RELN: variants seen among roughly 807,000 people sequenced by gnomAD.
The protein encoded by RELN is reelin.
RELN carries 108 observed loss-of-function variants against 427.6 expected under a neutral mutation model. The observed-to-expected ratio is 0.25, with a 90% confidence interval of 0.22 to 0.30. RELN has a LOEUF of 0.30. Ranked by LOEUF, RELN falls within the 10% of genes least tolerant of loss-of-function variation. The pLI is 1.00. For missense variants in RELN, 3,715 were observed against 4,302.8 expected (o/e 0.86, Z 3.82); for synonymous variants, 1,524 against 1,513.4 (o/e 1.01, Z -0.16).
intron 12 of RELN, among the ~76,000 whole-genome samples, chr7:103,659,065 C>T (rs1159394701): frequency 6.6e-6 from 1 of 151,776 alleles, no homozygotes; most frequent in Non-Finnish European, 1.5e-5. Context: ...TTATCACCTG[C>T]ATATGGATGA....
intron 11 of RELN, among the ~76,000 whole-genome samples, chr7:103,663,409 TAG>T (rs1440251892): frequency 6.6e-6 from 1 of 152,152 alleles, no homozygotes; most frequent in East Asian, 1.9e-4. Context: ...ATGAAACCTG[TAG>T]AGTTTCCTGA....
At position 103,553,660 on chromosome 7, in the gene RELN, G is replaced by A. The variant is rs149473868; in HGVS notation, c.5969C>T (p.Pro1990Leu). The A allele has an allele frequency of 2.9e-5, 47 of 1,613,672 alleles. No individual in the cohort carries two copies. In the African/African-American group the frequency reaches 4.4e-4, roughly 15 times the overall value. Residue 1990 changes from proline (P) to leucine (L), a missense_variant and splice_region_variant, in exon 39 of 65, where the codon CCT becomes CTT. Around this residue, in one of 4 missense-constraint regions of RELN, gnomAD observed 1,310 missense variants for 1,643.0 expected, o/e 0.80. Coordinates refer to ENST00000428762, the MANE Select transcript of RELN (RefSeq NM_005045.4). ...LYCPYSSKGAPEEDSAMVFVS... is the reference protein window; with the variant it reads ...LYCPYSSKGALEEDSAMVFVS... ...TTATTTTTAGATTCTTAATACTTACGGTGCCCCCTTTGAAGAATATGGACA... is the reference window on the plus strand; with the variant it reads ...TTATTTTTAGATTCTTAATACTTACAGTGCCCCCTTTGAAGAATATGGACA...
At chr7:103,771,437 T>C (rs1791566710) in intron 4 of RELN, among the ~76,000 whole-genome samples, 1 of 151,934 alleles carries the variant, frequency 6.6e-6, no homozygotes, top group African/African-American at 2.4e-5. Flanking sequence ...TCCACCCATC[T>C]CCCTAATGAA....
intron 3 of RELN, among the ~76,000 whole-genome samples, chr7:103,788,767 T>C (rs2116261391): frequency 6.6e-6 from 1 of 152,338 alleles, no homozygotes; most frequent in Non-Finnish European, 1.5e-5. Context: ...CCCAAAGTAA[T>C]TTATAGATTC....
chr7:103,503,893 T>TAAAAA (rs71154347), intron 51 of RELN, among the ~76,000 whole-genome samples: 6 of 96,608 alleles, frequency 6.2e-5, no homozygotes, highest in Non-Finnish European at 1.3e-4. Context: ...AATGTTCTTG[T>TAAAAA]AAAAAAAAAA....
chr7:103,630,819 A>C (rs1225722116), intron 19 of RELN, among the ~76,000 whole-genome samples: 24 of 151,620 alleles, frequency 1.6e-4, no homozygotes, highest in Non-Finnish European at 2.9e-5. Flanking sequence ...GCTTGCATTA[A>C]AGACACACTG....
intron 40 of RELN, among the ~76,000 whole-genome samples, chr7:103,551,916 T>C (rs1332381360): frequency 6.7e-6 from 1 of 149,590 alleles, no homozygotes; most frequent in Admixed American, 6.7e-5. Context: ...CCTTCCATAG[T>C]TACCTTCTGT....
At chr7:103,907,119 T>TA (rs1230279294) in intron 2 of RELN, among the ~76,000 whole-genome samples, 1 of 151,424 alleles carries the variant, frequency 6.6e-6, no homozygotes, top group African/African-American at 2.4e-5. Context: ...ACATATTAAG[T>TA]AAAAAAAGCC....
At chr7:103,763,922 G>C (rs1791364052) in intron 4 of RELN, among the ~76,000 whole-genome samples, 1 of 152,146 alleles carries the variant, frequency 6.6e-6, no homozygotes. Flanking sequence ...GGCATGGAAA[G>C]AAAGGGGTTG....
At position 103,495,986 on chromosome 7, in the gene RELN, C is replaced by T. The variant is rs569099134; in HGVS notation, c.9194-88G>A. ...TGGCATATTATTCTCTTGAACTGAC[C>T]GATTTATTGTTGAATTCCTTAAATT... On this transcript the variant is annotated intron_variant, in intron 56 of 64. Coordinates refer to ENST00000428762, the MANE Select transcript of RELN (RefSeq NM_005045.4). The T allele has an allele frequency of 2.6e-4, 360 of 1,368,714 alleles. 1 individual carries two copies. The African/African-American group carries it at 3.8e-3, about 14-fold the overall frequency. 84.8% of individuals were successfully genotyped at this position (1,368,714 alleles called of 1,614,324 possible). A position where few individuals can be genotyped will look rare whatever the true frequency, so the allele number is the denominator to read the frequency against.
At chr7:103,474,857 T>C (rs1827978850) in intron 64 of RELN, among the ~76,000 whole-genome samples, 1 of 151,722 alleles carries the variant, frequency 6.6e-6, no homozygotes, top group Non-Finnish European at 1.5e-5. Context: ...ACTAAGAAAG[T>C]ATAACTGAAT....
At chr7:103,602,002 G>A (rs1281569949) in intron 24 of RELN, among the ~76,000 whole-genome samples, 1 of 152,098 alleles carries the variant, frequency 6.6e-6, no homozygotes, top group Admixed American at 6.5e-5. Flanking sequence ...TAGGACCTGC[G>A]ATGTCTGCCC....
chr7:103,889,785 G>A (rs1794805462), intron 2 of RELN, among the ~76,000 whole-genome samples: 1 of 152,122 alleles, frequency 6.6e-6, no homozygotes, highest in South Asian at 2.1e-4. Flanking sequence ...CCTTGTTAGA[G>A]GAAAATAAGA....
intron 10 of RELN, among the ~76,000 whole-genome samples, chr7:103,687,710 T>C (rs1833792061): frequency 6.6e-6 from 1 of 152,150 alleles, no homozygotes; most frequent in African/African-American, 2.4e-5. Flanking sequence ...TTTCACCTAC[T>C]GAATATTGTG....
intron 3 of RELN, among the ~76,000 whole-genome samples, chr7:103,795,633 C>T (rs763086659): frequency 2.6e-5 from 4 of 152,148 alleles, no homozygotes; most frequent in Non-Finnish European, 4.4e-5. Flanking sequence ...ATTTCAGGAA[C>T]TTCACTACTT....
chr7:103,545,541 A>T lies in RELN; in HGVS notation c.6303-197T>A, dbSNP rs564817162. ...TGCCAATAAAGTTCTTGTTTCTTGT[A>T]AGCTTTTCCTGATCCTATCAGAATG... is the stretch of plus-strand genomic sequence containing the variant. On this transcript the variant is annotated intron_variant, in intron 41 of 64. Coordinates refer to ENST00000428762, the MANE Select transcript of RELN (RefSeq NM_005045.4). Among the ~76,000 whole-genome samples, 4 of 152,290 alleles carry T rather than the reference A, an allele frequency of 2.6e-5. No individual in the cohort carries two copies. In the South Asian group the frequency reaches 8.3e-4, roughly 32 times the overall value.
At chr7:103,921,273 A>C (rs532534827) in intron 1 of RELN, among the ~76,000 whole-genome samples, 2 of 152,310 alleles carry the variant, frequency 1.3e-5, no homozygotes, top group African/African-American at 2.4e-5. Context: ...TCAGACACCA[A>C]AGGTTTACAT....
intron 45 of RELN, among the ~76,000 whole-genome samples, chr7:103,537,335 C>T (rs1830075796): frequency 6.6e-6 from 1 of 152,074 alleles, no homozygotes; most frequent in South Asian, 2.1e-4. Context: ...TACTGGAATT[C>T]TTCTGTACCC....
At chr7:103,678,933 T>C (rs1833596394) in intron 11 of RELN, among the ~76,000 whole-genome samples, 1 of 152,178 alleles carries the variant, frequency 6.6e-6, no homozygotes, top group African/African-American at 2.4e-5. Flanking sequence ...GAGACAAATA[T>C]TCGATTAACT....
Sources: allele counts gnomAD v4.1 joint callset (sites outside exome capture counted in the v4.1 genomes callset), GRCh38; gene constraint gnomAD v4.1.1; regional missense constraint gnomAD v4.1.1; transcripts MANE v1.5; gene names NCBI Gene and HGNC (gene_info 2026-07-23, HGNC 2026-07-21).